MLKL: variants seen among roughly 807,000 people sequenced by gnomAD.
The protein encoded by MLKL is mixed lineage kinase domain like pseudokinase.
Under a neutral mutation model 56.5 loss-of-function variants are expected in MLKL, and 55 were observed. The ratio of observed to expected loss-of-function variants is 0.97; its 90% CI spans 0.78 to 1.22. The LOEUF (loss-of-function observed/expected upper bound fraction) is 1.22. MLKL is among the 50% of genes most tolerant of loss of function. MLKL has a pLI of 0.00. For missense variants in MLKL, 694 were observed against 573.9 expected (o/e 1.21, Z -2.14); for synonymous variants, 251 against 208.3 (o/e 1.20, Z -1.76).
chr16:74,693,174 G>T (rs1423631115), intron 2 of MLKL, among the ~76,000 whole-genome samples: 1 of 152,066 alleles, frequency 6.6e-6, no homozygotes, highest in African/African-American at 2.4e-5. Flanking sequence ...CTTGAAATAG[G>T]CCAGGCGTGG....
chr16:74,672,399 C>T lies in MLKL; in HGVS notation c.*105G>A. ...AACAGAGAAGCGTGCCCACTCCTTG[C>T]ACCCATAGATAACCCAATGCCGAAG... On this transcript the variant is annotated 3_prime_UTR_variant, in exon 11 of 11. Coordinates refer to ENST00000308807, the MANE Select transcript of MLKL (RefSeq NM_152649.4). The T allele has an allele frequency of 9.7e-7, 1 of 1,036,092 alleles. No homozygotes were observed. Among genetic ancestry groups the T allele is most frequent in the East Asian group, 2.4e-5 (1 of 42,008 alleles). The allele number at this position is 1,036,092 out of a possible 1,614,324, so 64.2% of individuals were successfully genotyped here.
Position 74,691,289 on chromosome 16 carries a change from G to T in MLKL, c.710C>A (p.Ala237Asp). 6.2e-7 allele frequency: 1 copy of T among 1,611,250 alleles called. No individual in the cohort carries two copies. ...VAIKVFKKLQ[A>D]GSIAIVRQTF... ...CAAAACAACTTACGCAATGCTGCCA[G>T]CCTGGAGTTTTTTGAATACTTTTAT... is the stretch of plus-strand genomic sequence containing the variant. Residue 237 changes from alanine to aspartate, a missense_variant, in exon 4 of 11, where the codon GCT becomes GAT. Ala to Asp is a moderately radical substitution (Grantham distance 126). Coordinates refer to ENST00000308807, the MANE Select transcript of MLKL (RefSeq NM_152649.4).
intron 2 of MLKL, among the ~76,000 whole-genome samples, chr16:74,693,847 C>A (rs569753453): frequency 4.7e-4 from 72 of 152,264 alleles, no homozygotes; most frequent in African/African-American, 1.7e-3. Flanking sequence ...TCATGATCCG[C>A]CCGCCTCGGC....
chr16:74,680,384 G>A lies in MLKL; in HGVS notation c.957-1404C>T, dbSNP rs556375656. On this transcript the variant is annotated intron_variant, in intron 6 of 10. Transcript: ENST00000308807. ...AGTGTTTCCAAAAGTGTGGGATAAGGTGGTATGCAAGATTATATAAAGGGA... is the reference window on the plus strand; with the variant it reads ...AGTGTTTCCAAAAGTGTGGGATAAGATGGTATGCAAGATTATATAAAGGGA... 2.0e-5 allele frequency among the ~76,000 whole-genome samples: 3 copies of A among 152,264 alleles called. No homozygotes were observed. In the South Asian group the frequency reaches 6.2e-4, roughly 32 times the overall value.
intron 5 of MLKL, among the ~76,000 whole-genome samples, chr16:74,684,482 G>A (rs1283545490): frequency 6.7e-6 from 1 of 150,104 alleles, no homozygotes; most frequent in Admixed American, 6.6e-5. Flanking sequence ...TGGTAGAGGG[G>A]TAAAGTAATG....
intron 1 of MLKL, among the ~76,000 whole-genome samples, chr16:74,698,308 C>T (rs1465002273): frequency 2.0e-5 from 3 of 151,622 alleles, no homozygotes; most frequent in African/African-American, 4.8e-5. Flanking sequence ...TAAGTATTAT[C>T]GCCAGTTTAT....
rs1425811526 is a variant in MLKL, at chr16:74,675,485, G to A, written c.1191-81C>T. On this transcript the variant is annotated intron_variant, in intron 8 of 10. Coordinates refer to ENST00000308807, the MANE Select transcript of MLKL (RefSeq NM_152649.4). ...CCTCTAGCCACTGCCAGAAAACTCA[G>A]TGAATTTTTTGATTACTACCCAATT... 3 of 1,577,834 alleles carry A rather than the reference G, an allele frequency of 1.9e-6. No homozygotes were observed. In the African/African-American group the frequency reaches 4.1e-5, roughly 21 times the overall value.
intron 3 of MLKL, 58 bp from the exon 4 acceptor site, chr16:74,691,521 C>A: frequency 6.5e-7 from 1 of 1,545,440 alleles, no homozygotes; most frequent in Non-Finnish European, 8.7e-7. Flanking sequence ...AGGAAGGGGT[C>A]CTAAGGGAGG....
chr16:74,691,177 C>G, intron 4 of MLKL, 100 bp downstream of exon 4: 1 of 1,155,300 alleles, frequency 8.7e-7, no homozygotes, highest in South Asian at 1.5e-5. Context: ...CCCTTTAGGG[C>G]CCAGGCTTCC....
rs200147034 is a variant in MLKL, at chr16:74,675,424, C to G, written c.1191-20G>C. The G allele has an allele frequency of 1.7e-5, 28 of 1,612,400 alleles. No individual in the cohort carries two copies. Among genetic ancestry groups the G allele is most frequent in the African/African-American group, 5.3e-5 (4 of 74,920 alleles). ...CCAAAGCTAAAAGAAAACCAAGAAA[C>G]TGAACAACCATAACTAGTCTCCCCT... On this transcript the variant is annotated intron_variant, in intron 8 of 10. Transcript: ENST00000308807.
intron 6 of MLKL, among the ~76,000 whole-genome samples, chr16:74,681,933 T>C (rs987753330): frequency 5.3e-5 from 8 of 152,132 alleles, no homozygotes; most frequent in African/African-American, 1.7e-4. Context: ...GACATAGTTG[T>C]ACTAAAAATA....
intron 6 of MLKL, among the ~76,000 whole-genome samples, chr16:74,681,179 C>T (rs894417591): frequency 6.6e-6 from 1 of 152,004 alleles, no homozygotes. Context: ...GCCTGTGGCA[C>T]CATGCTGGGC....
chr16:74,694,689 G>A (rs1280540104), intron 2 of MLKL, among the ~76,000 whole-genome samples: 1 of 152,162 alleles, frequency 6.6e-6, no homozygotes, highest in East Asian at 1.9e-4. Flanking sequence ...AGGATCACTT[G>A]AACCTGAGGC....
rs779070640 is a variant in MLKL, at chr16:74,695,758, G to A, written c.-1C>T. 45 of 1,579,692 alleles carry A rather than the reference G, an allele frequency of 2.8e-5. No homozygotes were observed. The highest frequency in any genetic ancestry group is 1.7e-4 in the Middle Eastern group (1 of 5,918). On this transcript the variant is annotated splice_region_variant and 5_prime_UTR_variant, in exon 2 of 11. Coordinates refer to ENST00000308807, the MANE Select transcript of MLKL (RefSeq NM_152649.4). ...TGATAATATGCTTCAAATTTTCCAT[G>A]CCTGGAAGAAATGAATGGAATTTGG...
chr16:74,690,237 T>C (rs79852000), intron 4 of MLKL, among the ~76,000 whole-genome samples: 5,559 of 152,310 alleles, frequency 0.036, 112 homozygotes, highest in African/African-American at 0.067. Flanking sequence ...TTTATAACTA[T>C]AAAGATGAAA....
chr16:74,682,794 A>G lies in MLKL; in HGVS notation c.821-8T>C. On this transcript the variant is annotated splice_polypyrimidine_tract_variant and splice_region_variant and intron_variant, in intron 5 of 10. Coordinates refer to ENST00000308807, the MANE Select transcript of MLKL (RefSeq NM_152649.4). ...AGAATTGAGGCGGAGTCACTGGTGG[A>G]AAGGAGCCAGACACTATGAGGACCC... The G allele has an allele frequency of 6.2e-7, 1 of 1,613,930 alleles. No individual in the cohort carries two copies. The highest frequency in any genetic ancestry group is 2.2e-5 in the East Asian group (1 of 44,872).
Position 74,682,722 on chromosome 16 carries a change from C to G in MLKL, c.885G>C (p.Leu295Phe), listed in dbSNP as rs1419131968. 6.2e-7 allele frequency: 1 copy of G among 1,614,132 alleles called. No homozygotes were observed. The highest frequency in any genetic ancestry group is 1.7e-5 in the Admixed American group (1 of 60,018). The change falls in exon 6 of 11, where the codon TTG becomes TTC. Residue 295 changes from leucine to phenylalanine, a missense_variant. Coordinates refer to ENST00000308807, the MANE Select transcript of MLKL (RefSeq NM_152649.4). ...YCELGTLREL[L>F]DREKDLTLGK... ...CAAGTGTGAGGTCTTTTTCCCTATC[C>G]AACAGCTCCCTCAGGGTCCCGAGTT...
In MLKL at chr16:74,682,789, G is replaced by A; in HGVS notation, c.821-3C>T. ...AATGGAGAATTGAGGCGGAGTCACT[G>A]GTGGAAAGGAGCCAGACACTATGAG... On this transcript the variant is annotated splice_polypyrimidine_tract_variant and splice_region_variant and intron_variant, in intron 5 of 10. Coordinates refer to ENST00000308807, the MANE Select transcript of MLKL (RefSeq NM_152649.4). 3 of 1,613,978 alleles carry A rather than the reference G, an allele frequency of 1.9e-6. No homozygotes were observed. The highest frequency in any genetic ancestry group is 2.5e-6 in the Non-Finnish European group (3 of 1,179,952).
At chr16:74,697,423 G>A (rs1227044130) in intron 1 of MLKL, among the ~76,000 whole-genome samples, 2 of 152,100 alleles carry the variant, frequency 1.3e-5, no homozygotes, top group East Asian at 3.8e-4. Flanking sequence ...ATTTGCAACT[G>A]AAGCCGACTG....
Sources: gnomAD v4.1 joint callset for allele counts (sites outside exome capture counted in the v4.1 genomes callset) on GRCh38, gnomAD v4.1.1 for gene constraint, MANE v1.5 for transcripts, NCBI Gene and HGNC (gene_info 2026-07-23, HGNC 2026-07-21) for gene names.